The following ANO2 variants were observed in gnomAD, a reference collection of about 807,000 sequenced individuals.
The protein encoded by ANO2 is anoctamin 2.
In ANO2, 101 loss-of-function variants were observed where a neutral mutation model predicts 124.2. The ratio of observed to expected loss-of-function variants is 0.81; its 90% CI spans 0.69 to 0.96. The LOEUF (loss-of-function observed/expected upper bound fraction) is 0.96. ANO2 is among the 40% of genes least tolerant of loss of function. ANO2 has a pLI of 0.00. For missense variants in ANO2, 1,293 were observed against 1,274.5 expected, an observed-to-expected ratio of 1.01 and a Z score of -0.22; for synonymous variants, 486 against 482.5, an observed-to-expected ratio of 1.01 and a Z score of -0.09.
chr12:5,895,663 G>A (rs1939731714), intron 3 of ANO2, among the ~76,000 whole-genome samples: 1 of 151,978 alleles, frequency 6.6e-6, no homozygotes, highest in Non-Finnish European at 1.5e-5. Context: ...TGGTGAAAAG[G>A]AACACTTTTA....
intron 10 of ANO2, among the ~76,000 whole-genome samples, chr12:5,796,159 TCG>T (rs1952838721): frequency 6.9e-6 from 1 of 144,236 alleles, no homozygotes; most frequent in Non-Finnish European, 1.5e-5. Context: ...AGTCACACAA[TCG>T]CTCATTCATA....
chr12:5,814,013 G>C (rs997656650), intron 7 of ANO2, among the ~76,000 whole-genome samples: 42 of 152,112 alleles, frequency 2.8e-4, no homozygotes, highest in Admixed American at 8.5e-4. Flanking sequence ...TCCCCTTCCA[G>C]ATATACTCTC....
intron 13 of ANO2, among the ~76,000 whole-genome samples, chr12:5,734,467 C>T (rs1004300267): frequency 1.3e-5 from 2 of 152,196 alleles, no homozygotes; most frequent in Non-Finnish European, 2.9e-5. Flanking sequence ...CTTCCAGACC[C>T]TGCACAGGGG....
chr12:5,587,903 A>T (rs1943199254), intron 20 of ANO2, among the ~76,000 whole-genome samples: 1 of 151,962 alleles, frequency 6.6e-6, no homozygotes, highest in Non-Finnish European at 1.5e-5. Flanking sequence ...CCCAGGTTCC[A>T]GTTCAATTTA....
chr12:5,581,609 C>T lies in ANO2; in HGVS notation c.2234-3091G>A, dbSNP rs531005627. ...CTCTCTGGTGTCCCTCTTCTGTCAA[C>T]GCAAACATCTTCCAGTGCTGGCTTG... On this transcript the variant is annotated intron_variant, in intron 20 of 24. Transcript: ENST00000682330. 6.6e-5 allele frequency among the ~76,000 whole-genome samples: 10 copies of T among 152,288 alleles called. No individual in the cohort carries two copies. In the East Asian group the frequency reaches 9.6e-4, roughly 15 times the overall value.
chr12:5,919,096 A>G (rs191414452), intron 3 of ANO2, among the ~76,000 whole-genome samples: 1 of 152,322 alleles, frequency 6.6e-6, no homozygotes, highest in East Asian at 1.9e-4. Context: ...AACAAACAAA[A>G]AAAGTCTATC....
intron 20 of ANO2, among the ~76,000 whole-genome samples, chr12:5,589,062 G>T (rs1275484583): frequency 5.9e-5 from 9 of 152,314 alleles, no homozygotes; most frequent in African/African-American, 2.2e-4. Flanking sequence ...AAAGACGAGG[G>T]TGCAGAGAAA....
At chr12:5,645,863 T>A (rs1446302588) in intron 15 of ANO2, among the ~76,000 whole-genome samples, 1 of 152,194 alleles carries the variant, frequency 6.6e-6, no homozygotes. Flanking sequence ...TAGTGTTAGG[T>A]TAAGTTCACA....
chr12:5,896,960 C>T (rs1262599384), intron 3 of ANO2, among the ~76,000 whole-genome samples: 3 of 151,980 alleles, frequency 2.0e-5, no homozygotes, highest in Non-Finnish European at 2.9e-5. Context: ...AGTTCTCTTA[C>T]GATAAAGATG....
intron 6 of ANO2, among the ~76,000 whole-genome samples, chr12:5,830,085 T>A (rs889689244): frequency 1.3e-5 from 2 of 152,210 alleles, no homozygotes; most frequent in African/African-American, 4.8e-5. Context: ...TATAATTTTT[T>A]TTCAATGCAT....
intron 14 of ANO2, among the ~76,000 whole-genome samples, chr12:5,666,047 C>T (rs1274540370): frequency 6.6e-6 from 1 of 152,120 alleles, no homozygotes; most frequent in East Asian, 1.9e-4. Context: ...CATCATCACC[C>T]AACTGCAGGC....
chr12:5,724,440 G>C (rs1950353608), intron 14 of ANO2, among the ~76,000 whole-genome samples: 1 of 152,170 alleles, frequency 6.6e-6, no homozygotes, highest in Non-Finnish European at 1.5e-5. Context: ...CCCAGAGTAA[G>C]AGGCAAGAGG....
chr12:5,590,582 A>G (rs1181440826), intron 20 of ANO2, among the ~76,000 whole-genome samples: 1 of 152,210 alleles, frequency 6.6e-6, no homozygotes, highest in Non-Finnish European at 1.5e-5. Flanking sequence ...AGCCTGGGGC[A>G]GTAAGCGGGA....
intron 4 of ANO2, among the ~76,000 whole-genome samples, chr12:5,849,471 C>A (rs1328617854): frequency 6.6e-6 from 1 of 152,248 alleles, no homozygotes; most frequent in Non-Finnish European, 1.5e-5. Flanking sequence ...GCACCTGCTT[C>A]CATACCGCCA....
intron 14 of ANO2, among the ~76,000 whole-genome samples, chr12:5,721,598 T>C (rs1423052017): frequency 1.3e-5 from 2 of 152,090 alleles, no homozygotes; most frequent in African/African-American, 2.4e-5. Flanking sequence ...CTCTAACTCC[T>C]GGGCTCAAGC....
intron 14 of ANO2, among the ~76,000 whole-genome samples, chr12:5,651,412 T>C (rs1946908715): frequency 1.6e-5 from 2 of 123,332 alleles, no homozygotes; most frequent in Admixed American, 1.6e-4. Context: ...TCTTCTTTTC[T>C]TTTTTTTTTC....
At chr12:5,721,719 G>A (rs569041831) in intron 14 of ANO2, among the ~76,000 whole-genome samples, 22 of 152,170 alleles carry the variant, frequency 1.4e-4, no homozygotes, top group Admixed American at 1.4e-3. Flanking sequence ...CGTTGCCCAC[G>A]CTGGTCTCAA....
At chr12:5,887,866 G>A (rs1423327920) in intron 3 of ANO2, among the ~76,000 whole-genome samples, 1 of 150,376 alleles carries the variant, frequency 6.6e-6, no homozygotes, top group Non-Finnish European at 1.5e-5. Context: ...GAAACATGAA[G>A]TTTTATGAGA....
chr12:5,922,292 C>T (rs1941742747), intron 2 of ANO2, among the ~76,000 whole-genome samples: 1 of 152,200 alleles, frequency 6.6e-6, no homozygotes, highest in Non-Finnish European at 1.5e-5. Context: ...AAGCTCCAGG[C>T]ACAAGGGAGA....
Sources: gnomAD v4.1 joint callset for allele counts (sites outside exome capture counted in the v4.1 genomes callset) on GRCh38, gnomAD v4.1.1 for gene constraint, MANE v1.5 for transcripts, NCBI Gene and HGNC (gene_info 2026-07-23, HGNC 2026-07-21) for gene names.